The following SENP5 variants were observed in gnomAD, a reference collection of about 807,000 sequenced individuals.
SENP5 encodes the protein SUMO specific peptidase 5.
In SENP5, 21 loss-of-function variants were observed where a neutral mutation model predicts 74.2. That is an observed-to-expected ratio of 0.28 (90% CI 0.20 to 0.41). The LOEUF (loss-of-function observed/expected upper bound fraction) is 0.41, where lower values mean the gene tolerates loss of function less well. SENP5 is among the 10% of genes least tolerant of loss of function. The probability of loss-of-function intolerance (pLI) is 1.00; values close to 1 mark genes in which losing one functional copy is unlikely to be tolerated. For missense variants in SENP5, 717 were observed against 889.1 expected, an observed-to-expected ratio of 0.81 and a Z score of 2.46; for synonymous variants, 311 against 312.7, an observed-to-expected ratio of 0.99 and a Z score of 0.06.
chr3:196,906,843 A>G (rs1311962942), intron 6 of SENP5, among the ~76,000 whole-genome samples: 1 of 152,232 alleles, frequency 6.6e-6, no homozygotes, highest in Admixed American at 6.5e-5. Context: ...TTCTAACAGT[A>G]CTGAAGAAGA....
At chr3:196,910,769 A>C (rs1175499541) in intron 6 of SENP5, among the ~76,000 whole-genome samples, 1 of 152,198 alleles carries the variant, frequency 6.6e-6, no homozygotes. Flanking sequence ...TAGCCAAGAC[A>C]ATCCTAAGCA....
At chr3:196,908,561 T>G (rs571405463) in intron 6 of SENP5, among the ~76,000 whole-genome samples, 3 of 152,180 alleles carry the variant, frequency 2.0e-5, no homozygotes, top group African/African-American at 7.2e-5. Context: ...TGGTGACTCA[T>G]GCCTGTAATC....
In SENP5 at chr3:196,893,777, G is replaced by A. The variant is rs543382709; in HGVS notation, c.1514-5889G>A. Among the ~76,000 whole-genome samples, 13 of 152,194 alleles carry A rather than the reference G, an allele frequency of 8.5e-5. 1 individual carries two copies. Among genetic ancestry groups the A allele is most frequent in the Admixed American group, 7.9e-4 (12 of 15,278 alleles). On this transcript the variant is annotated intron_variant, in intron 2 of 9. Transcript: ENST00000323460. The stretch of plus-strand genomic sequence containing the variant: ...ATACAAAAATTAGCCAGGCATGGTG[G>A]CATGCGCCTGTAGTCCCAGCTACTT...
chr3:196,877,474 C>T (rs963782356), intron 1 of SENP5, among the ~76,000 whole-genome samples: 3 of 152,156 alleles, frequency 2.0e-5, no homozygotes, highest in South Asian at 2.1e-4. Context: ...TGTGCGCCAC[C>T]GTGCCCGGCC....
rs1716092717 is a variant in SENP5, at chr3:196,932,986, G to A, written c.*2063G>A. On this transcript the variant is annotated 3_prime_UTR_variant, in exon 10 of 10. Coordinates refer to ENST00000323460, the MANE Select transcript of SENP5 (RefSeq NM_152699.5). ...GGCACCTTGAGGTGTGCTGCCCAGT[G>A]TGGCTTAGACTAAATGTTGAGTTTG... The A allele has an allele frequency of 2.1e-5, 3 of 141,804 alleles. No individual in the cohort carries two copies. Among genetic ancestry groups the A allele is most frequent in the Non-Finnish European group, 4.5e-5 (3 of 66,204 alleles). 8.8% of individuals were successfully genotyped at this position (141,804 alleles called of 1,614,324 possible).
At chr3:196,922,236 A>G (rs942061455) in intron 6 of SENP5, among the ~76,000 whole-genome samples, 6 of 152,170 alleles carry the variant, frequency 3.9e-5, no homozygotes, top group African/African-American at 1.2e-4. Flanking sequence ...GGTAGGTACT[A>G]TTTTCTATCC....
chr3:196,870,932 A>T (rs2342067), intron 1 of SENP5, among the ~76,000 whole-genome samples: 12 of 151,566 alleles, frequency 7.9e-5, no homozygotes, highest in Non-Finnish European at 1.2e-4. Context: ...GCACTTTGGG[A>T]GGCCGAGGCG....
intron 6 of SENP5, among the ~76,000 whole-genome samples, chr3:196,921,020 C>T (rs1257675379): frequency 6.6e-6 from 1 of 152,230 alleles, no homozygotes; most frequent in Admixed American, 6.5e-5. Flanking sequence ...GTGATACAAT[C>T]TGTCATGCAC....
At chr3:196,910,561 T>A (rs1159062675) in intron 6 of SENP5, among the ~76,000 whole-genome samples, 1 of 151,794 alleles carries the variant, frequency 6.6e-6, no homozygotes. Flanking sequence ...TTAGCCAGGA[T>A]GGTCTCGATG....
At chr3:196,883,951 C>T (rs1184542058) in intron 1 of SENP5, among the ~76,000 whole-genome samples, 2 of 152,170 alleles carry the variant, frequency 1.3e-5, no homozygotes, top group Non-Finnish European at 2.9e-5. Flanking sequence ...TTCGGCTTCC[C>T]AAAGTGCTGG....
At chr3:196,928,590 C>G (rs1715903714) in intron 8 of SENP5, among the ~76,000 whole-genome samples, 1 of 152,190 alleles carries the variant, frequency 6.6e-6, no homozygotes, top group South Asian at 2.1e-4. Flanking sequence ...ACTATTGATA[C>G]AGAGTCAGGT....
chr3:196,872,347 AACCTTCAATGGCAGT>A (rs1713252735), intron 1 of SENP5, among the ~76,000 whole-genome samples: 1 of 152,188 alleles, frequency 6.6e-6, no homozygotes, highest in Admixed American at 6.5e-5. Context: ...TGTATTCAAG[AACCTTCAATGGCAGT>A]ATCTTGTCTT....
chr3:196,919,025 C>T (rs1715504999), intron 6 of SENP5, among the ~76,000 whole-genome samples: 1 of 152,088 alleles, frequency 6.6e-6, no homozygotes, highest in African/African-American at 2.4e-5. Flanking sequence ...AACACTGGAG[C>T]ACCCAGATAT....
chr3:196,883,803 C>G (rs1713830063), intron 1 of SENP5, among the ~76,000 whole-genome samples: 2 of 152,192 alleles, frequency 1.3e-5, no homozygotes, highest in South Asian at 4.1e-4. Flanking sequence ...ATTCTTCTGC[C>G]TCAGCCTCCC....
In SENP5 at chr3:196,885,947, A is replaced by G. The variant is rs1212075964; in HGVS notation, c.766A>G (p.Lys256Glu). The change falls in exon 2 of 10, where the codon AAG becomes GAG. Residue 256 changes from lysine to glutamate, a missense_variant. Lys to Glu is a moderately conservative substitution (Grantham distance 56, BLOSUM62 1). Around this residue, in one of 4 missense-constraint regions of SENP5, gnomAD observed 567 missense variants for 577.4 expected, o/e 0.98. Transcript: ENST00000323460. The part of the protein sequence containing the change: ...LRSQHFRTKS[K>E]VCKLRKAQRS... ...ATCCCAGCACTTCAGAACCAAAAGC[A>G]AGGTTTGCAAGCTAAGAAAAGCCCA... The G allele has an allele frequency of 1.2e-6, 2 of 1,614,116 alleles. No individual in the cohort carries two copies. The highest frequency in any genetic ancestry group is 1.7e-6 in the Non-Finnish European group (2 of 1,180,062).
chr3:196,868,882 G>GTTTTTTTTTTGTTTGTT (rs772189548), intron 1 of SENP5, among the ~76,000 whole-genome samples: 7 of 148,922 alleles, frequency 4.7e-5, no homozygotes, highest in African/African-American at 1.7e-4. Context: ...TCCTACTTAT[G>GTTTTTTTTTTGTTTGTT]TTTTTTTTTT....
At chr3:196,871,777 C>T (rs764700769) in intron 1 of SENP5, among the ~76,000 whole-genome samples, 4 of 151,422 alleles carry the variant, frequency 2.6e-5, no homozygotes, top group Non-Finnish European at 4.4e-5. Context: ...ATCTCTTGAA[C>T]CTGGGAGGTG....
intron 6 of SENP5, among the ~76,000 whole-genome samples, chr3:196,911,310 C>T (rs1001938420): frequency 6.6e-6 from 1 of 152,118 alleles, no homozygotes; most frequent in East Asian, 1.9e-4. Flanking sequence ...GCAGTCTACC[C>T]ACCTGACAAA....
rs1405871320 is a variant in SENP5, at chr3:196,932,511, C to T, written c.*1588C>T. ...ACTTTCCTCTCCTGAGTCCTCCAGA[C>T]CCAAAATCCTTAATGTCAAACCAGG... On this transcript the variant is annotated 3_prime_UTR_variant, in exon 10 of 10. Transcript: ENST00000323460. 6 of 152,258 alleles carry T rather than the reference C, an allele frequency of 3.9e-5. No individual in the cohort carries two copies. The East Asian group carries it at 7.7e-4, about 20-fold the overall frequency. 9.4% of individuals were successfully genotyped at this position (152,258 alleles called of 1,614,324 possible). A position where few individuals can be genotyped will look rare whatever the true frequency, so the allele number is the denominator to read the frequency against.
Sources: gnomAD v4.1 joint callset for allele counts (sites outside exome capture counted in the v4.1 genomes callset) on GRCh38, gnomAD v4.1.1 for gene constraint, gnomAD v4.1.1 regional missense constraint, MANE v1.5 for transcripts, NCBI Gene and HGNC (gene_info 2026-07-23, HGNC 2026-07-21) for gene names.